The following OR5C1 variants were observed in gnomAD, a reference collection of about 807,000 sequenced individuals.
OR5C1 encodes olfactory receptor family 5 subfamily C member 1, also known as olfactory receptor 5C1.
For synonymous variants in OR5C1, 184 were observed against 181.5 expected (o/e 1.01, Z -0.11); for missense variants, 433 against 426.5 (o/e 1.02, Z -0.13).
chr9:122,789,105 G>A lies in OR5C1; in HGVS notation c.173G>A (p.Arg58Gln), dbSNP rs139245773. Residue 58 changes from arginine (R) to glutamine (Q), a missense_variant, in exon 1 of 1, where the codon CGG becomes CAG. By Grantham distance (43) the Arg-to-Gln change is conservative. Transcript: ENST00000373680. ...GMALLIRMDARLHTPMYFFLA... is the reference protein window; with the variant it reads ...GMALLIRMDAQLHTPMYFFLA... ...GCGCTGCTGATCCGCATGGATGCCC[G>A]GCTCCACACACCTATGTACTTCTTC... is the stretch of plus-strand genomic sequence containing the variant. 1.7e-5 allele frequency: 28 copies of A among 1,613,360 alleles called. 1 individual carries two copies. Among genetic ancestry groups the A allele is most frequent in the Admixed American group, 6.7e-5 (4 of 59,934 alleles).
rs767901177 is a variant in OR5C1, at chr9:122,789,749, G to A, written c.817G>A (p.Asp273Asn). The A allele has an allele frequency of 1.2e-6, 2 of 1,611,836 alleles. No individual in the cohort carries two copies. The highest frequency in any genetic ancestry group is 1.3e-5 in the African/African-American group (1 of 74,902). Reference protein sequence around the residue: ...YLRPSSSYALDTDKMASVFYT... With the variant: ...YLRPSSSYALNTDKMASVFYT... The stretch of plus-strand genomic sequence containing the variant: ...GCGCCCCAGCTCCAGCTATGCCCTG[G>A]ACACTGACAAGATGGCCTCTGTGTT... The change falls in exon 1 of 1, where the codon GAC (aspartate) becomes AAC (asparagine). Residue 273 changes from aspartate to asparagine, a missense_variant. Transcript: ENST00000373680.
rs754308688 is a variant in OR5C1, at chr9:122,789,115, A to G, written c.183A>G (p.Thr61=). The change falls in exon 1 of 1, where the codon ACA becomes ACG. Residue 61 remains threonine, a synonymous_variant. Coordinates refer to ENST00000373680, the MANE Select transcript of OR5C1 (RefSeq NM_001001923.1). Reference sequence around the variant, plus strand: ...TCCGCATGGATGCCCGGCTCCACACACCTATGTACTTCTTCCTGGCCAACC... The same window carrying G: ...TCCGCATGGATGCCCGGCTCCACACGCCTATGTACTTCTTCCTGGCCAACC... ...LLIRMDARLH[T]PMYFFLANLS... 6.2e-7 allele frequency: 1 copy of G among 1,613,196 alleles called. No individual in the cohort carries two copies. Among genetic ancestry groups the G allele is most frequent in the Non-Finnish European group, 8.5e-7 (1 of 1,179,532 alleles).
At position 122,789,746 on chromosome 9, in the gene OR5C1, C is replaced by T. The variant is rs755460193; in HGVS notation, c.814C>T (p.Leu272=). ...CCTGCGCCCCAGCTCCAGCTATGCC[C>T]TGGACACTGACAAGATGGCCTCTGT... is the stretch of plus-strand genomic sequence containing the variant. ...MYLRPSSSYA[L]DTDKMASVFY... The change falls in exon 1 of 1, where the codon CTG becomes TTG. Residue 272 remains leucine (L), a synonymous_variant. Transcript: ENST00000373680. 1 of 1,611,694 alleles carries T rather than the reference C, an allele frequency of 6.2e-7. No individual in the cohort carries two copies. The highest frequency in any genetic ancestry group is 1.1e-5 in the South Asian group (1 of 90,610).
Position 122,789,574 on chromosome 9 carries a change from G to T in OR5C1, c.642G>T (p.Thr214=). The T allele has an allele frequency of 1.2e-6, 2 of 1,614,024 alleles. No homozygotes were observed. Among genetic ancestry groups the T allele is most frequent in the Non-Finnish European group, 1.7e-6 (2 of 1,179,934 alleles). The part of the protein sequence containing the change: ...FAICGFIQTA[T]VLAITVSYGF... ...TCTGTGGCTTCATCCAGACAGCCAC[G>T]GTGTTAGCTATCACGGTGTCTTATG... is the stretch of plus-strand genomic sequence containing the variant. Residue 214 remains threonine (T), a synonymous_variant, in exon 1 of 1, where the codon ACG becomes ACT. Coordinates refer to ENST00000373680, the MANE Select transcript of OR5C1 (RefSeq NM_001001923.1).
At position 122,789,075 on chromosome 9, in the gene OR5C1, G is replaced by C. The variant is rs780118469; in HGVS notation, c.143G>C (p.Gly48Ala). 4 of 1,614,038 alleles carry C rather than the reference G, an allele frequency of 2.5e-6. No individual in the cohort carries two copies. Among genetic ancestry groups the C allele is most frequent in the Non-Finnish European group, 3.4e-6 (4 of 1,179,948 alleles). ...VYLVSLLGNM[G>A]MALLIRMDAR... ...CTGGTGAGCCTGCTGGGAAACATGG[G>C]CATGGCGCTGCTGATCCGCATGGAT... The change falls in exon 1 of 1, where the codon GGC becomes GCC. Residue 48 changes from glycine to alanine, a missense_variant. By Grantham distance (60) the Gly-to-Ala change is moderately conservative. Transcript: ENST00000373680.
At position 122,789,683 on chromosome 9, in the gene OR5C1, G is replaced by T; in HGVS notation, c.751G>T (p.Ala251Ser). The change falls in exon 1 of 1, where the codon GCC becomes TCC. Residue 251 changes from alanine to serine, a missense_variant. Ala to Ser is a moderately conservative substitution (Grantham distance 99). Coordinates refer to ENST00000373680, the MANE Select transcript of OR5C1 (RefSeq NM_001001923.1). ...AASTGGSHLT[A>S]VAMMYGTLIF... ...CTCCACCGGTGGTTCCCACCTCACAGCCGTGGCCATGATGTACGGGACACT... is the reference window on the plus strand; with the variant it reads ...CTCCACCGGTGGTTCCCACCTCACATCCGTGGCCATGATGTACGGGACACT... The T allele has an allele frequency of 4.4e-6, 7 of 1,606,920 alleles. No individual in the cohort carries two copies. Among genetic ancestry groups the T allele is most frequent in the Non-Finnish European group, 5.1e-6 (6 of 1,176,078 alleles).
rs141785478 is a variant in OR5C1 at position 122,788,962 on chromosome 9, G to A, written c.30G>A (p.Ala10=). Residue 10 remains alanine (A), a synonymous_variant, in exon 1 of 1, where the codon GCG becomes GCA. Transcript: ENST00000373680. MNSENLTRA[A]VAPAEFVLLG... is the part of the protein sequence containing the mutation. ...ACTCAGAGAACCTCACCCGGGCCGC[G>A]GTTGCCCCTGCTGAATTCGTCCTCC... The A allele has an allele frequency of 8.8e-5, 140 of 1,592,578 alleles. No homozygotes were observed. The highest frequency in any genetic ancestry group is 1.1e-4 in the Non-Finnish European group (129 of 1,168,838).
chr9:122,789,805 A>T lies in OR5C1; in HGVS notation c.873A>T (p.Pro291=), dbSNP rs1829239805. 2 of 1,608,248 alleles carry T rather than the reference A, an allele frequency of 1.2e-6. No homozygotes were observed. Among genetic ancestry groups the T allele is most frequent in the African/African-American group, 1.3e-5 (1 of 74,778 alleles). The change falls in exon 1 of 1, where the codon CCA becomes CCT. Residue 291 remains proline (P), a synonymous_variant. Coordinates refer to ENST00000373680, the MANE Select transcript of OR5C1 (RefSeq NM_001001923.1). ...CCCTGGTCATCCCGTCTCTCAACCC[A>T]CTCATCTACAGCCTCCGCAATAAGG... ...FYTLVIPSLN[P]LIYSLRNKEV...
At position 122,788,973 on chromosome 9, in the gene OR5C1, C is replaced by A. The variant is rs370611411; in HGVS notation, c.41C>A (p.Ala14Asp). 2 of 1,601,068 alleles carry A rather than the reference C, an allele frequency of 1.2e-6. No individual in the cohort carries two copies. The highest frequency in any genetic ancestry group is 1.3e-5 in the African/African-American group (1 of 74,952). The change falls in exon 1 of 1, where the codon GCT becomes GAT. Residue 14 changes from alanine to aspartate, a missense_variant. Coordinates refer to ENST00000373680, the MANE Select transcript of OR5C1 (RefSeq NM_001001923.1). Reference sequence around the variant, plus strand: ...CTCACCCGGGCCGCGGTTGCCCCTGCTGAATTCGTCCTCCTGGGCATCACA... The same window carrying A: ...CTCACCCGGGCCGCGGTTGCCCCTGATGAATTCGTCCTCCTGGGCATCACA... ...ENLTRAAVAP[A>D]EFVLLGITNR...
Position 122,789,842 on chromosome 9 carries a change from G to A in OR5C1, c.910G>A (p.Ala304Thr), listed in dbSNP as rs1829240436. The change falls in exon 1 of 1, where the codon GCC (alanine) becomes ACC (threonine). Residue 304 changes from alanine (A) to threonine (T), a missense_variant. Transcript: ENST00000373680. ...CCTCCGCAATAAGGAGGTCAAGGAG[G>A]CCCTCAGGCAGACCTGGAGCCGATT... Reference protein sequence around the residue: ...YSLRNKEVKEALRQTWSRFHC... With the variant: ...YSLRNKEVKETLRQTWSRFHC... 3 of 1,581,414 alleles carry A rather than the reference G, an allele frequency of 1.9e-6. No individual in the cohort carries two copies. Among genetic ancestry groups the A allele is most frequent in the Admixed American group, 1.8e-5 (1 of 55,652 alleles).
Position 122,789,676 on chromosome 9 carries a change from C to G in OR5C1, c.744C>G (p.His248Gln), listed in dbSNP as rs1451737816. The G allele has an allele frequency of 1.7e-5, 27 of 1,607,322 alleles. No homozygotes were observed. Among genetic ancestry groups the G allele is most frequent in the African/African-American group, 2.7e-5 (2 of 74,976 alleles). ...GAGCAGCCTCCACCGGTGGTTCCCA[C>G]CTCACAGCCGTGGCCATGATGTACG... is the stretch of plus-strand genomic sequence containing the variant. ...SRRAASTGGS[H>Q]LTAVAMMYGT... The change falls in exon 1 of 1, where the codon CAC becomes CAG. Residue 248 changes from histidine (H) to glutamine (Q), a missense_variant. Physicochemically the swap from His to Gln is conservative, Grantham distance 24. Coordinates refer to ENST00000373680, the MANE Select transcript of OR5C1 (RefSeq NM_001001923.1).
rs1829226159 is a variant in OR5C1 at position 122,789,061 on chromosome 9, G to A, written c.129G>A (p.Leu43=). The change falls in exon 1 of 1, where the codon CTG becomes CTA. Residue 43 remains leucine (L), a synonymous_variant. Transcript: ENST00000373680. ...GCCTGCCTGTCTACCTGGTGAGCCT[G>A]CTGGGAAACATGGGCATGGCGCTGC... ...LTCLPVYLVS[L]LGNMGMALLI... 3 of 1,614,162 alleles carry A rather than the reference G, an allele frequency of 1.9e-6. No homozygotes were observed. Among genetic ancestry groups the A allele is most frequent in the Middle Eastern group, 3.3e-4 (2 of 6,062 alleles).
chr9:122,789,282 G>A lies in OR5C1; in HGVS notation c.350G>A (p.Cys117Tyr), dbSNP rs1564259380. ...GCAGGTCTGGCTGATACTGAGTGTT[G>A]CTTGCTGGCAGCCATGGCCTATGAC... is the stretch of plus-strand genomic sequence containing the variant. ...VFAGLADTEC[C>Y]LLAAMAYDRY... The change falls in exon 1 of 1, where the codon TGC becomes TAC. Residue 117 changes from cysteine (C) to tyrosine (Y), a missense_variant. Coordinates refer to ENST00000373680, the MANE Select transcript of OR5C1 (RefSeq NM_001001923.1). 6.2e-7 allele frequency: 1 copy of A among 1,613,952 alleles called. No individual in the cohort carries two copies.
Position 122,788,949 on chromosome 9 carries a change from T to C in OR5C1, c.17T>C (p.Leu6Pro). 6.3e-7 allele frequency: 1 copy of C among 1,577,294 alleles called. No individual in the cohort carries two copies. Among genetic ancestry groups the C allele is most frequent in the Non-Finnish European group, 8.6e-7 (1 of 1,160,766 alleles). MNSEN[L>P]TRAAVAPAEF... ...TCCAGTAGGATGAACTCAGAGAACC[T>C]CACCCGGGCCGCGGTTGCCCCTGCT... Residue 6 changes from leucine (L) to proline (P), a missense_variant, in exon 1 of 1, where the codon CTC becomes CCC. Transcript: ENST00000373680.
Position 122,789,355 on chromosome 9 carries a change from G to A in OR5C1, c.423G>A (p.Ser141=), listed in dbSNP as rs771772215. Residue 141 remains serine, a synonymous_variant, in exon 1 of 1, where the codon TCG becomes TCA. Transcript: ENST00000373680. ...CACTTCTCTATACAACAGCTATGTCGCAGCGTCTATGCCTGGCCTTGCTGG... is the reference window on the plus strand; with the variant it reads ...CACTTCTCTATACAACAGCTATGTCACAGCGTCTATGCCTGGCCTTGCTGG... The part of the protein sequence containing the change: ...RNPLLYTTAM[S]QRLCLALLGA... 8.1e-6 allele frequency: 13 copies of A among 1,613,790 alleles called. No individual in the cohort carries two copies. The highest frequency in any genetic ancestry group is 2.2e-5 in the East Asian group (1 of 44,886).
Position 122,789,714 on chromosome 9 carries a change from T to G in OR5C1, c.782T>G (p.Phe261Cys). Residue 261 changes from phenylalanine to cysteine, a missense_variant, in exon 1 of 1, where the codon TTC (phenylalanine) becomes TGC (cysteine). By Grantham distance (205) the Phe-to-Cys change is radical. Coordinates refer to ENST00000373680, the MANE Select transcript of OR5C1 (RefSeq NM_001001923.1). ...AVAMMYGTLI[F>C]MYLRPSSSYA... ...GCCATGATGTACGGGACACTCATTT[T>G]CATGTACCTGCGCCCCAGCTCCAGC... 1.2e-6 allele frequency: 2 copies of G among 1,606,054 alleles called. No individual in the cohort carries two copies. The highest frequency in any genetic ancestry group is 2.2e-5 in the East Asian group (1 of 44,862).
chr9:122,789,870 A>G lies in OR5C1; in HGVS notation c.938A>G (p.His313Arg). 1 of 1,559,452 alleles carries G rather than the reference A, an allele frequency of 6.4e-7. No homozygotes were observed. Among genetic ancestry groups the G allele is most frequent in the Non-Finnish European group, 8.7e-7 (1 of 1,155,724 alleles). Reference sequence around the variant, plus strand: ...CTCAGGCAGACCTGGAGCCGATTCCACTGTCCAGGGCAGGGGTCCCAGTGA... The same window carrying G: ...CTCAGGCAGACCTGGAGCCGATTCCGCTGTCCAGGGCAGGGGTCCCAGTGA... ...EALRQTWSRF[H>R]CPGQGSQ is the part of the protein sequence containing the mutation. The change falls in exon 1 of 1, where the codon CAC becomes CGC. Residue 313 changes from histidine (H) to arginine (R), a missense_variant. Physicochemically the swap from His to Arg is conservative, Grantham distance 29. Coordinates refer to ENST00000373680, the MANE Select transcript of OR5C1 (RefSeq NM_001001923.1).
Position 122,789,335 on chromosome 9 carries a change from C to T in OR5C1, c.403C>T (p.Leu135Phe), listed in dbSNP as rs1212827330. The T allele has an allele frequency of 6.2e-7, 1 of 1,614,130 alleles. No homozygotes were observed. Among genetic ancestry groups the T allele is most frequent in the East Asian group, 2.2e-5 (1 of 44,886 alleles). Residue 135 changes from leucine (L) to phenylalanine (F), a missense_variant, in exon 1 of 1, where the codon CTC (leucine) becomes TTC (phenylalanine). Leu to Phe is a conservative substitution (Grantham distance 22, BLOSUM62 0). Transcript: ENST00000373680. ...DRYVAIRNPL[L>F]YTTAMSQRLC... The stretch of plus-strand genomic sequence containing the variant: ...CTACGTGGCCATCAGAAACCCACTT[C>T]TCTATACAACAGCTATGTCGCAGCG...
rs1380966802 is a variant in OR5C1, at chr9:122,789,101, G to A, written c.169G>A (p.Ala57Thr). The A allele has an allele frequency of 1.2e-6, 2 of 1,613,590 alleles. No homozygotes were observed. The highest frequency in any genetic ancestry group is 2.2e-5 in the East Asian group (1 of 44,886). ...MGMALLIRMD[A>T]RLHTPMYFFL... ...CATGGCGCTGCTGATCCGCATGGAT[G>A]CCCGGCTCCACACACCTATGTACTT... The change falls in exon 1 of 1, where the codon GCC becomes ACC. Residue 57 changes from alanine to threonine, a missense_variant. By Grantham distance (58) the Ala-to-Thr change is moderately conservative (BLOSUM62 0). Transcript: ENST00000373680.
Sources: gnomAD v4.1 joint callset for allele counts on GRCh38, gnomAD v4.1.1 for gene constraint, MANE v1.5 for transcripts, NCBI Gene and HGNC (gene_info 2026-07-23, HGNC 2026-07-21) for gene names.